The following ABCA1 variants were observed in gnomAD, a reference collection of about 807,000 sequenced individuals.
The protein encoded by ABCA1 is phospholipid-transporting ATPase ABCA1.
A neutral mutation model predicts 262.5 loss-of-function variants in ABCA1; 133 were observed. The ratio of observed to expected loss-of-function variants is 0.51; its 90% CI spans 0.44 to 0.59. The LOEUF (loss-of-function observed/expected upper bound fraction) is 0.59, where lower values mean the gene tolerates loss of function less well. ABCA1 is among the 20% of genes least tolerant of loss of function. The pLI, the probability that ABCA1 is intolerant of heterozygous loss-of-function variation, is 0.00. For missense variants in ABCA1, 2,452 were observed against 2,777.5 expected (o/e 0.88, Z 2.63); for synonymous variants, 1,022 against 1,043.5 (o/e 0.98, Z 0.40).
chr9:104,798,205 G>T (rs759168173), intron 37 of ABCA1, among the ~76,000 whole-genome samples: 11 of 152,208 alleles, frequency 7.2e-5, no homozygotes, highest in Non-Finnish European at 1.6e-4. Flanking sequence ...TCATCATTGT[G>T]TACAGAATTT....
chr9:104,832,728 T>G lies in ABCA1; in HGVS notation c.1355A>C (p.Gln452Pro). The stretch of plus-strand genomic sequence containing the variant: ...GGCTGTCCAATCTAAGCCATCCAAC[T>G]GCTGTTCCCAAAAGTGGTCATTGTC... ...SRDNDHFWEQ[Q>P]LDGLDWTAQD... The change falls in exon 12 of 50, where the codon CAG (glutamine) becomes CCG (proline). Residue 452 changes from glutamine (Q) to proline (P), a missense_variant. By Grantham distance (76) the Gln-to-Pro change is moderately conservative. Around this residue, in one of 4 missense-constraint regions of ABCA1, gnomAD observed 1,032 missense variants for 1,089.7 expected, o/e 0.95. Coordinates refer to ENST00000374736, the MANE Select transcript of ABCA1 (RefSeq NM_005502.4). 6.2e-7 allele frequency: 1 copy of G among 1,614,226 alleles called. No individual in the cohort carries two copies. The highest frequency in any genetic ancestry group is 8.5e-7 in the Non-Finnish European group (1 of 1,180,046).
intron 1 of ABCA1, among the ~76,000 whole-genome samples, chr9:104,914,819 G>C (rs1841741059): frequency 6.6e-6 from 1 of 152,192 alleles, no homozygotes; most frequent in South Asian, 2.1e-4. Flanking sequence ...TTCCAGCTGT[G>C]TTCTAAGAAA....
At chr9:104,913,633 A>C (rs1841631611) in intron 1 of ABCA1, among the ~76,000 whole-genome samples, 1 of 152,132 alleles carries the variant, frequency 6.6e-6, no homozygotes, top group Admixed American at 6.5e-5. Flanking sequence ...AAAGCATTAT[A>C]CGGTATCCTG....
Position 104,843,136 on chromosome 9 carries a change from C to G in ABCA1, c.813+2341G>C, listed in dbSNP as rs142581973. ...CCTTCTCATGCTCTATGCCCCTTAC[C>G]CTGCTTTTTCTTCACTGCATATATC... On this transcript the variant is annotated intron_variant, in intron 8 of 49. Transcript: ENST00000374736. Among the ~76,000 whole-genome samples, 93 of 152,304 alleles carry G rather than the reference C, an allele frequency of 6.1e-4. No homozygotes were observed. The East Asian group carries it at 0.013, about 22-fold the overall frequency.
chr9:104,854,769 A>G (rs1446162983), intron 7 of ABCA1, among the ~76,000 whole-genome samples: 1 of 152,138 alleles, frequency 6.6e-6, no homozygotes, highest in Non-Finnish European at 1.5e-5. Context: ...AAATACAATG[A>G]GCGCACTCCA....
rs1204463779 is a variant in ABCA1 at position 104,862,077 on chromosome 9, TAC to T, written c.422-279_422-278del. ...ACACACACACACACACACACACACA[TAC>T]ACACACACACAGCCTTTCCTTTTCT... On this transcript the variant is annotated intron_variant, in intron 5 of 49. Transcript: ENST00000374736. Among the ~76,000 whole-genome samples the T allele has an allele frequency of 4.7e-3, 415 of 88,908 alleles. 1 individual carries two copies. Among genetic ancestry groups the T allele is most frequent in the African/African-American group, 0.019 (399 of 21,530 alleles). The allele number at this position is 88,908 out of a possible 152,430, so 58.3% of individuals were successfully genotyped here.
intron 5 of ABCA1, among the ~76,000 whole-genome samples, chr9:104,875,173 A>C (rs928722618): frequency 6.6e-6 from 1 of 152,008 alleles, no homozygotes; most frequent in Non-Finnish European, 1.5e-5. Flanking sequence ...GAAAAAAAAT[A>C]AATAAATAAA....
At chr9:104,877,349 A>AC (rs1838246892) in intron 5 of ABCA1, among the ~76,000 whole-genome samples, 1 of 152,218 alleles carries the variant, frequency 6.6e-6, no homozygotes, top group African/African-American at 2.4e-5. Context: ...ATGGCTCACC[A>AC]TGCACCCACT....
At chr9:104,784,743 G>C (rs2472470) in intron 49 of ABCA1, among the ~76,000 whole-genome samples, 1 of 152,062 alleles carries the variant, frequency 6.6e-6, no homozygotes, top group African/African-American at 2.4e-5. Context: ...TCCTGGGTTC[G>C]AGCAATTCTC....
intron 2 of ABCA1, among the ~76,000 whole-genome samples, chr9:104,895,254 C>T (rs1023611003): frequency 2.0e-5 from 3 of 152,144 alleles, no homozygotes; most frequent in African/African-American, 4.8e-5. Flanking sequence ...CCAAGAGTAC[C>T]GAAGCACCAC....
intron 5 of ABCA1, among the ~76,000 whole-genome samples, chr9:104,873,304 G>T (rs1837798093): frequency 6.6e-6 from 1 of 152,222 alleles, no homozygotes; most frequent in Non-Finnish European, 1.5e-5. Flanking sequence ...AGAAAATATA[G>T]TCTGAGGCTG....
chr9:104,894,352 C>G (rs1348028526), intron 2 of ABCA1, among the ~76,000 whole-genome samples: 6 of 152,018 alleles, frequency 3.9e-5, no homozygotes, highest in African/African-American at 1.5e-4. Flanking sequence ...TGGCAACTGA[C>G]AGCAAAGGGC....
chr9:104,800,013 A>G, intron 35 of ABCA1, 25 bp from the exon 36 acceptor site: 1 of 1,613,910 alleles, frequency 6.2e-7, no homozygotes. Flanking sequence ...ACCAGGTACA[A>G]GGTAATGCCC....
At chr9:104,854,102 G>A (rs1008727953) in intron 7 of ABCA1, among the ~76,000 whole-genome samples, 3 of 152,336 alleles carry the variant, frequency 2.0e-5, no homozygotes, top group South Asian at 4.1e-4. Flanking sequence ...TTTAAAGTGT[G>A]AGAGATACTC....
intron 2 of ABCA1, among the ~76,000 whole-genome samples, chr9:104,903,371 C>T (rs1840825684): frequency 6.6e-6 from 1 of 152,160 alleles, no homozygotes; most frequent in Admixed American, 6.5e-5. Context: ...GGGATCAGAA[C>T]TCATGCCTGG....
Position 104,788,055 on chromosome 9 carries a change from C to G in ABCA1, c.6070-1G>C, listed in dbSNP as rs776103826. On this transcript the variant is annotated splice_acceptor_variant, in intron 45 of 49. Coordinates refer to ENST00000374736, the MANE Select transcript of ABCA1 (RefSeq NM_005502.4). LOFTEE classifies it high-confidence loss of function. ...GTTTCCGAATCGCCCACTCACCAAC[C>G]TACAGTGATAAAAAGCACCTTGACT... The G allele has an allele frequency of 1.2e-6, 2 of 1,614,158 alleles. No individual in the cohort carries two copies. The highest frequency in any genetic ancestry group is 1.1e-5 in the South Asian group (1 of 91,084).
chr9:104,798,721 C>G (rs1830099058), intron 36 of ABCA1, 123 bp from the exon 37 acceptor site: 1 of 856,020 alleles, frequency 1.2e-6, no homozygotes, highest in Non-Finnish European at 1.9e-6. Context: ...TGAGGCACAG[C>G]CCAAGGAAAA....
chr9:104,888,063 GT>G lies in ABCA1; in HGVS notation c.160+1038del, dbSNP rs1264376591. ...TCAGAAAATGTTTCTTGAGGGGTGT[GT>G]GTGTGTGTGTGTGTGTGTGTGTGTG... On this transcript the variant is annotated intron_variant, in intron 3 of 49. Coordinates refer to ENST00000374736, the MANE Select transcript of ABCA1 (RefSeq NM_005502.4). Among the ~76,000 whole-genome samples, 107 of 137,912 alleles carry G rather than the reference GT, an allele frequency of 7.8e-4. No individual in the cohort carries two copies. In the East Asian group the frequency reaches 0.021, roughly 27 times the overall value. The allele number at this position is 137,912 out of a possible 152,430, so 90.5% of individuals were successfully genotyped here.
rs762414279 is a variant in ABCA1 at position 104,798,420 on chromosome 9, C to A, written c.5121+1G>T. 6.2e-7 allele frequency: 1 copy of A among 1,614,152 alleles called. No individual in the cohort carries two copies. The highest frequency in any genetic ancestry group is 8.5e-7 in the Non-Finnish European group (1 of 1,180,008). On this transcript the variant is annotated splice_donor_variant, in intron 37 of 49. Transcript: ENST00000374736. LOFTEE classifies it high-confidence loss of function. ...AAGATACAGCAGGCCTGTGTCCTTA[C>A]CATATCCCAGACAAAATTAGAGAGC...
Sources: allele counts gnomAD v4.1 joint callset (sites outside exome capture counted in the v4.1 genomes callset), GRCh38; gene constraint gnomAD v4.1.1; regional missense constraint gnomAD v4.1.1; transcripts MANE v1.5; gene names NCBI Gene and HGNC (gene_info 2026-07-23, HGNC 2026-07-21).